RBM47: variants seen among roughly 807,000 people sequenced by gnomAD.
RBM47 encodes the protein RNA binding motif protein 47.
Under a neutral mutation model 47.1 loss-of-function variants are expected in RBM47, and 21 were observed. The observed-to-expected ratio is 0.45, with a 90% CI of 0.32 to 0.64. The LOEUF is 0.64. Among genes scored for constraint, RBM47 ranks in the 30% least tolerant of loss-of-function variants. The pLI is 0.05. For synonymous variants in RBM47, 375 were observed against 361.7 expected (o/e 1.04, Z -0.42); for missense variants, 708 against 870.9 (o/e 0.81, Z 2.35).
chr4:40,607,271 G>A (rs570190465), intron 1 of RBM47, among the ~76,000 whole-genome samples: 51 of 152,266 alleles, frequency 3.3e-4, no homozygotes, highest in African/African-American at 1.1e-3. Flanking sequence ...GCCACATATC[G>A]TATGGTTCTA....
chr4:40,437,640 A>T, intron 4 of RBM47, 131 bp downstream of exon 4: 1 of 920,406 alleles, frequency 1.1e-6, no homozygotes, highest in Non-Finnish European at 1.6e-6. Flanking sequence ...CAGAATGCAA[A>T]CCCAAAACGG....
intron 2 of RBM47, among the ~76,000 whole-genome samples, chr4:40,522,967 CTT>C (rs529306760): frequency 0.018 from 2,052 of 116,848 alleles, 49 homozygotes; most frequent in African/African-American, 0.061. Context: ...TCTCAAAAAT[CTT>C]TTTTTTTTTT....
chr4:40,470,804 G>A (rs902917794), intron 2 of RBM47, among the ~76,000 whole-genome samples: 18 of 152,046 alleles, frequency 1.2e-4, no homozygotes, highest in South Asian at 2.1e-4. Context: ...GTGCAGTGGC[G>A]TGATCTTGAA....
chr4:40,514,306 T>C (rs1725306730), intron 2 of RBM47, among the ~76,000 whole-genome samples: 2 of 151,976 alleles, frequency 1.3e-5, no homozygotes, highest in Admixed American at 1.3e-4. Context: ...TACACACATG[T>C]CCCTCTAGCA....
chr4:40,539,902 C>T (rs923805551), intron 2 of RBM47, among the ~76,000 whole-genome samples: 1 of 152,088 alleles, frequency 6.6e-6, no homozygotes, highest in African/African-American at 2.4e-5. Context: ...GAAACAATGT[C>T]TTCACCAGGC....
At chr4:40,535,790 C>A (rs1159920694) in intron 2 of RBM47, among the ~76,000 whole-genome samples, 2 of 152,120 alleles carry the variant, frequency 1.3e-5, no homozygotes, top group Non-Finnish European at 2.9e-5. Flanking sequence ...GAACTCCTGA[C>A]CTTATGATCC....
chr4:40,596,288 G>C (rs1334797003), intron 1 of RBM47, among the ~76,000 whole-genome samples: 1 of 152,216 alleles, frequency 6.6e-6, no homozygotes, highest in Non-Finnish European at 1.5e-5. Flanking sequence ...GGAGGAGAAA[G>C]GTGGATCATT....
At chr4:40,504,266 A>G (rs902301069) in intron 2 of RBM47, among the ~76,000 whole-genome samples, 10 of 151,270 alleles carry the variant, frequency 6.6e-5, no homozygotes, top group African/African-American at 2.2e-4. Context: ...TGGAAGGGAA[A>G]TGGTATCTCT....
chr4:40,427,634 G>A (rs1176699247), intron 6 of RBM47: 2 of 152,086 alleles, frequency 1.3e-5, no homozygotes, highest in African/African-American at 4.8e-5. Flanking sequence ...ATGCTGGTAT[G>A]GTCTCCCTAT....
chr4:40,613,144 G>T (rs1484277483), intron 1 of RBM47, among the ~76,000 whole-genome samples: 1 of 152,212 alleles, frequency 6.6e-6, no homozygotes, highest in African/African-American at 2.4e-5. Context: ...GTCTCGCCAT[G>T]AAGCTGAAAG....
Position 40,426,072 on chromosome 4 carries a change from C to A in RBM47, c.1614G>T (p.Gly538=). 1 of 1,614,164 alleles carries A rather than the reference C, an allele frequency of 6.2e-7. No homozygotes were observed. The highest frequency in any genetic ancestry group is 8.5e-7 in the Non-Finnish European group (1 of 1,180,042). ...VQRIPTAGIY[G]ASYVPFAAPA... ...GAGCAGCAAATGGCACGTAACTGGC[C>A]CCGTAGATCCCGGCAGTAGGAATTC... The change falls in exon 7 of 7, where the codon GGG becomes GGT. Residue 538 remains glycine (G), a synonymous_variant. Coordinates refer to ENST00000295971, the MANE Select transcript of RBM47 (RefSeq NM_001098634.2).
intron 2 of RBM47, among the ~76,000 whole-genome samples, chr4:40,541,499 G>T (rs555366202): frequency 6.6e-6 from 1 of 152,138 alleles, no homozygotes; most frequent in Non-Finnish European, 1.5e-5. Flanking sequence ...CACTTTGGGC[G>T]GCAGAGGTGG....
At chr4:40,557,315 A>G (rs1053787678) in intron 1 of RBM47, among the ~76,000 whole-genome samples, 1 of 152,290 alleles carries the variant, frequency 6.6e-6, no homozygotes, top group East Asian at 1.9e-4. Context: ...TTCTAATTAA[A>G]TACTCCTGGC....
At chr4:40,437,090 A>ATATATATAT (rs1553877705) in intron 4 of RBM47, among the ~76,000 whole-genome samples, 3 of 49,804 alleles carry the variant, frequency 6.0e-5, no homozygotes, top group African/African-American at 3.3e-4. Flanking sequence ...AAAAAAAAAA[A>ATATATATAT]ATATATATAT....
rs776383311 is a variant in RBM47 at position 40,436,605 on chromosome 4, C to G, written c.1166G>C (p.Arg389Thr). The G allele has an allele frequency of 5.0e-6, 8 of 1,614,194 alleles. No individual in the cohort carries two copies. In the South Asian group the frequency reaches 8.8e-5, roughly 18 times the overall value. ...RGRGRGAAGNRAPGPRGSYLG... is the reference protein window; with the variant it reads ...RGRGRGAAGNTAPGPRGSYLG... Reference sequence around the variant, plus strand: ...GTAGGAACCCCTAGGCCCTGGGGCTCTGTTGCCAGCTGCACCTCGCCCTCG... The same window carrying G: ...GTAGGAACCCCTAGGCCCTGGGGCTGTGTTGCCAGCTGCACCTCGCCCTCG... Residue 389 changes from arginine (R) to threonine (T), a missense_variant, in exon 5 of 7, where the codon AGA (arginine) becomes ACA (threonine). By Grantham distance (71) the Arg-to-Thr change is moderately conservative. Transcript: ENST00000295971.
chr4:40,487,335 G>A lies in RBM47; in HGVS notation c.-154-20636C>T, dbSNP rs185111119. ...TTTAAAGATGGAGTCTCACTCGGTC[G>A]CCCAGGCTGGAGTGCAGTGGCGCGA... On this transcript the variant is annotated intron_variant, in intron 2 of 6. Transcript: ENST00000295971. Among the ~76,000 whole-genome samples, 6 of 152,060 alleles carry A rather than the reference G, an allele frequency of 3.9e-5. No homozygotes were observed. The East Asian group carries it at 5.8e-4, about 15-fold the overall frequency.
chr4:40,565,839 G>A (rs976576197), intron 1 of RBM47, among the ~76,000 whole-genome samples: 2 of 152,130 alleles, frequency 1.3e-5, no homozygotes, highest in Non-Finnish European at 2.9e-5. Context: ...TTGGGAGAAC[G>A]AGGTGGGAGG....
At chr4:40,436,937 C>CG (rs1712542327) in intron 4 of RBM47, 1 of 496,844 alleles carries the variant, frequency 2.0e-6, no homozygotes, top group East Asian at 5.2e-5. Context: ...ACCCCCTCCC[C>CG]CCCGCCAAAA....
chr4:40,431,652 C>T (rs1490255540), intron 6 of RBM47, among the ~76,000 whole-genome samples: 18 of 34,194 alleles, frequency 5.3e-4, no homozygotes, highest in East Asian at 1.1e-3. Flanking sequence ...AGCGAGACTC[C>T]GTCTAAAAAA....
Sources: gnomAD v4.1 joint callset for allele counts (sites outside exome capture counted in the v4.1 genomes callset) on GRCh38, gnomAD v4.1.1 for gene constraint, MANE v1.5 for transcripts, NCBI Gene and HGNC (gene_info 2026-07-23, HGNC 2026-07-21) for gene names.